RBM17: variants seen among roughly 807,000 people sequenced by gnomAD.
The protein encoded by RBM17 is splicing factor 45.
In RBM17, 7 loss-of-function variants were observed where a neutral mutation model predicts 53.2. The ratio of observed to expected loss-of-function variants is 0.13; its 90% CI spans 0.07 to 0.25. RBM17 has a LOEUF of 0.25. RBM17 is among the 10% of genes least tolerant of loss of function. The probability of loss-of-function intolerance (pLI) is 1.00; values close to 1 mark genes in which losing one functional copy is unlikely to be tolerated. For synonymous variants in RBM17, 167 were observed against 178.1 expected (o/e 0.94, Z 0.50); for missense variants, 257 against 496.7 (o/e 0.52, Z 4.59).
At position 6,098,166 on chromosome 10, in the gene RBM17, A is replaced by C. The variant is rs565159343; in HGVS notation, c.123+978A>C. On this transcript the variant is annotated intron_variant, in intron 2 of 11. Transcript: ENST00000379888. The stretch of plus-strand genomic sequence containing the variant: ...TACTTTAGAGATCTTTATGTTCTAG[A>C]GTATGCATTCGTAATGGAGGCTATA... Among the ~76,000 whole-genome samples, 12 of 152,272 alleles carry C rather than the reference A, an allele frequency of 7.9e-5. No homozygotes were observed. The East Asian group carries it at 2.1e-3, about 27-fold the overall frequency.
intron 3 of RBM17, among the ~76,000 whole-genome samples, chr10:6,102,538 G>A (rs900598511): frequency 6.6e-6 from 1 of 152,128 alleles, no homozygotes; most frequent in Non-Finnish European, 1.5e-5. Context: ...CCATAAATTT[G>A]ATACCTAGTT....
At chr10:6,098,994 A>G (rs1840628089) in intron 2 of RBM17, among the ~76,000 whole-genome samples, 1 of 152,124 alleles carries the variant, frequency 6.6e-6, no homozygotes, top group Non-Finnish European at 1.5e-5. Flanking sequence ...TCATTACCAA[A>G]TTTAGATTTT....
Position 6,110,143 on chromosome 10 carries a change from T to G in RBM17, c.704+16T>G. 6.3e-7 allele frequency: 1 copy of G among 1,598,930 alleles called. No homozygotes were observed. The highest frequency in any genetic ancestry group is 8.5e-7 in the Non-Finnish European group (1 of 1,172,394). On this transcript the variant is annotated intron_variant, in intron 7 of 11. Coordinates refer to ENST00000379888, the MANE Select transcript of RBM17 (RefSeq NM_032905.5). ...CTAACATGGGGTAATGATTTAATGTTCTTATCTAAGGACTTGAGAGACAGT... is the reference window on the plus strand; with the variant it reads ...CTAACATGGGGTAATGATTTAATGTGCTTATCTAAGGACTTGAGAGACAGT...
chr10:6,094,249 A>G (rs1440739325), intron 1 of RBM17, among the ~76,000 whole-genome samples: 6 of 152,138 alleles, frequency 3.9e-5, no homozygotes, highest in Non-Finnish European at 8.8e-5. Flanking sequence ...AAGTGCTGGT[A>G]TTAGAGGTGC....
intron 1 of RBM17, among the ~76,000 whole-genome samples, chr10:6,092,586 T>A (rs1840502827): frequency 6.6e-6 from 1 of 152,188 alleles, no homozygotes; most frequent in Admixed American, 6.5e-5. Context: ...TTGTTTTGGG[T>A]GGTGAATTCA....
chr10:6,106,284 G>T, intron 5 of RBM17, 46 bp downstream of exon 5: 2 of 1,231,100 alleles, frequency 1.6e-6, no homozygotes, highest in Non-Finnish European at 2.4e-6. Flanking sequence ...AATACTGGAA[G>T]TGCAATTCCA....
At chr10:6,109,836 A>G in intron 6 of RBM17, 150 bp from the exon 7 acceptor site, 2 of 558,042 alleles carry the variant, frequency 3.6e-6, no homozygotes, top group South Asian at 3.8e-5. Flanking sequence ...AAAGTCGTAT[A>G]AAGGCTGTAA....
At chr10:6,113,167 G>T in intron 8 of RBM17, 1 of 220,142 alleles carries the variant, frequency 4.5e-6, no homozygotes, top group Non-Finnish European at 9.2e-6. Flanking sequence ...CTGGGCCCGT[G>T]ACCTTGAACG....
At chr10:6,097,473 C>T (rs972285188) in intron 2 of RBM17, among the ~76,000 whole-genome samples, 1 of 152,104 alleles carries the variant, frequency 6.6e-6, no homozygotes, top group African/African-American at 2.4e-5. Context: ...CCAAGGCAGG[C>T]AGATCACGAG....
In RBM17 at chr10:6,105,105, T is replaced by C. The variant is rs766054993; in HGVS notation, c.407+8T>C. On this transcript the variant is annotated splice_region_variant and intron_variant, in intron 4 of 11. Transcript: ENST00000379888. ...AATAGAAGAAAGGGAAAAGTAAGGC[T>C]TCCTTTGGATTTGGGGATATTTTAC... The C allele has an allele frequency of 6.2e-7, 1 of 1,609,880 alleles. No individual in the cohort carries two copies. Among genetic ancestry groups the C allele is most frequent in the South Asian group, 1.1e-5 (1 of 90,752 alleles).
chr10:6,094,462 C>T (rs535418721), intron 1 of RBM17, among the ~76,000 whole-genome samples: 1 of 152,310 alleles, frequency 6.6e-6, no homozygotes, highest in South Asian at 2.1e-4. Flanking sequence ...TTGTTTATTT[C>T]TCAGAATCTG....
chr10:6,097,934 G>T (rs1042093470), intron 2 of RBM17, among the ~76,000 whole-genome samples: 1 of 152,198 alleles, frequency 6.6e-6, no homozygotes, highest in Non-Finnish European at 1.5e-5. Context: ...TACCTAAGCT[G>T]CTGCGTGCAA....
chr10:6,107,906 T>C (rs929548918), intron 5 of RBM17, among the ~76,000 whole-genome samples: 12 of 152,230 alleles, frequency 7.9e-5, no homozygotes, highest in African/African-American at 2.9e-4. Flanking sequence ...TATTATGTAA[T>C]ATTATGTATA....
intron 1 of RBM17, among the ~76,000 whole-genome samples, chr10:6,090,266 A>G (rs947636897): frequency 2.2e-4 from 33 of 152,254 alleles, no homozygotes; most frequent in African/African-American, 7.5e-4. Flanking sequence ...ATAGATGGGT[A>G]GATGTGCACT....
chr10:6,107,982 C>T (rs1202411497), intron 5 of RBM17, among the ~76,000 whole-genome samples: 2 of 152,144 alleles, frequency 1.3e-5, no homozygotes, highest in African/African-American at 4.8e-5. Context: ...CTGATGTTCT[C>T]CTTCCAGTTG....
At chr10:6,098,365 T>C in intron 2 of RBM17, among the ~76,000 whole-genome samples, 1 of 152,114 alleles carries the variant, frequency 6.6e-6, no homozygotes, top group Non-Finnish European at 1.5e-5. Context: ...AGATGTGTAC[T>C]GAAATATTTA....
intron 5 of RBM17, among the ~76,000 whole-genome samples, chr10:6,107,238 G>A (rs1840762764): frequency 6.6e-6 from 1 of 152,314 alleles, no homozygotes; most frequent in East Asian, 1.9e-4. Flanking sequence ...GTGCAGTGGT[G>A]CAATCTCGGC....
At position 6,116,398 on chromosome 10, in the gene RBM17, A is replaced by T. The variant is rs1047729752; in HGVS notation, c.*842A>T. The stretch of plus-strand genomic sequence containing the variant: ...TTGCAATAGTGTTCTATTGTATGTA[A>T]TTTTAAAATTTATAAGATTATCCAC... On this transcript the variant is annotated 3_prime_UTR_variant, in exon 12 of 12. Transcript: ENST00000379888. 3 of 152,336 alleles carry T rather than the reference A, an allele frequency of 2.0e-5. No individual in the cohort carries two copies. Among genetic ancestry groups the T allele is most frequent in the Non-Finnish European group, 4.4e-5 (3 of 68,034 alleles). The allele number at this position is 152,336 out of a possible 1,614,324, so 9.4% of individuals were successfully genotyped here.
chr10:6,102,888 C>T (rs1840688294), intron 3 of RBM17, among the ~76,000 whole-genome samples: 1 of 152,186 alleles, frequency 6.6e-6, no homozygotes, highest in African/African-American at 2.4e-5. Context: ...CAGCCTCCTC[C>T]TCCTGGGCTC....
Sources: gnomAD v4.1 joint callset for allele counts (sites outside exome capture counted in the v4.1 genomes callset) on GRCh38, gnomAD v4.1.1 for gene constraint, MANE v1.5 for transcripts, NCBI Gene and HGNC (gene_info 2026-07-23, HGNC 2026-07-21) for gene names.